The following NFYA variants were observed in gnomAD, a reference collection of about 807,000 sequenced individuals.
NFYA encodes the protein nuclear transcription factor Y subunit alpha.
In NFYA, 28 loss-of-function variants were observed where a neutral mutation model predicts 52.8. The ratio of observed to expected loss-of-function variants is 0.53; its 90% CI spans 0.39 to 0.73. The LOEUF is 0.73. Among genes scored for constraint, NFYA ranks in the 30% least tolerant of loss-of-function variants. NFYA has a pLI of 0.00. For missense variants in NFYA, 234 were observed against 427.0 expected (o/e 0.55, Z 3.98); for synonymous variants, 150 against 150.7 (o/e 1.00, Z 0.03).
chr6:41,084,019 C>A, intron 3 of NFYA, 27 bp from the exon 4 acceptor site: 2 of 1,569,948 alleles, frequency 1.3e-6, no homozygotes, highest in Non-Finnish European at 1.7e-6. Flanking sequence ...TATGTTATTT[C>A]ATTGTTCTTA....
At chr6:41,084,011 T>A in intron 3 of NFYA, 35 bp from the exon 4 acceptor site, 5 of 1,559,876 alleles carry the variant, frequency 3.2e-6, no homozygotes, top group Non-Finnish European at 4.3e-6. Context: ...TTGTGTCTTA[T>A]GTTATTTCAT....
Position 41,090,236 on chromosome 6 carries a change from A to G in NFYA, c.474A>G (p.Gln158=), listed in dbSNP as rs1052201553. 6.2e-7 allele frequency: 1 copy of G among 1,613,940 alleles called. No individual in the cohort carries two copies. The highest frequency in any genetic ancestry group is 1.3e-5 in the African/African-American group (1 of 75,032). ...TQQQIAVQGQ[Q]VAQTAEGQTI... is the part of the protein sequence containing the mutation. ...AGCAGATTGCTGTCCAGGGACAGCAAGTGGCACAGACTGCTGAAGGGCAGA... is the reference window on the plus strand; with the variant it reads ...AGCAGATTGCTGTCCAGGGACAGCAGGTGGCACAGACTGCTGAAGGGCAGA... Residue 158 remains glutamine, a synonymous_variant, in exon 6 of 10, where the codon CAA becomes CAG. Transcript: ENST00000341376.
In NFYA at chr6:41,101,112, A is replaced by G. The variant is rs2113833395; in HGVS notation, c.*3702A>G. 1 of 152,314 alleles carries G rather than the reference A, an allele frequency of 6.6e-6. No homozygotes were observed. The highest frequency in any genetic ancestry group is 2.4e-5 in the African/African-American group (1 of 41,566). 9.4% of individuals were successfully genotyped at this position (152,314 alleles called of 1,614,324 possible). On this transcript the variant is annotated 3_prime_UTR_variant, in exon 10 of 10. Coordinates refer to ENST00000341376, the MANE Select transcript of NFYA (RefSeq NM_002505.5). ...GCTTCCCGACCTACTGGTCTTTCGG[A>G]AGCCTCGGGGATGGGAACCCGAGCT...
chr6:41,094,875 ATTCT>A (rs1383629923), intron 9 of NFYA, among the ~76,000 whole-genome samples: 1 of 152,206 alleles, frequency 6.6e-6, no homozygotes, highest in Admixed American at 6.5e-5. Flanking sequence ...ATTACTATTC[ATTCT>A]TTCTTGAAAA....
chr6:41,080,711 AGGCTTCC>A (rs1478224347), intron 2 of NFYA, 93 bp from the exon 3 acceptor site: 7 of 936,702 alleles, frequency 7.5e-6, no homozygotes, highest in Non-Finnish European at 1.2e-5. Context: ...AAAGTCCTTC[AGGCTTCC>A]GTCTCTCTCC....
chr6:41,091,758 C>T (rs554601331), intron 7 of NFYA, 64 bp downstream of exon 7: 1 of 1,568,476 alleles, frequency 6.4e-7, no homozygotes, highest in South Asian at 1.2e-5. Flanking sequence ...TTGATGCCTC[C>T]TAAAATTTAT....
At chr6:41,083,269 T>G (rs534465120) in intron 3 of NFYA, among the ~76,000 whole-genome samples, 2 of 152,340 alleles carry the variant, frequency 1.3e-5, no homozygotes, top group East Asian at 3.9e-4. Context: ...TCATAGGAGC[T>G]TGAAATTTGT....
In NFYA at chr6:41,099,629, G is replaced by A. The variant is rs1175570773; in HGVS notation, c.*2219G>A. ...CTAGTTCTTTTATTCATTTTTATTT[G>A]TGACTGTAGTGATAACTTTACAGAT... On this transcript the variant is annotated 3_prime_UTR_variant, in exon 10 of 10. Coordinates refer to ENST00000341376, the MANE Select transcript of NFYA (RefSeq NM_002505.5). 6.6e-6 allele frequency: 1 copy of A among 151,476 alleles called. No individual in the cohort carries two copies. Among genetic ancestry groups the A allele is most frequent in the Non-Finnish European group, 1.5e-5 (1 of 67,936 alleles). 9.4% of individuals were successfully genotyped at this position (151,476 alleles called of 1,614,324 possible). A position where few individuals can be genotyped will look rare whatever the true frequency, so the allele number is the denominator to read the frequency against.
At chr6:41,080,950 A>T in intron 3 of NFYA, 53 bp downstream of exon 3, 1 of 1,395,454 alleles carries the variant, frequency 7.2e-7, no homozygotes, top group East Asian at 2.3e-5. Context: ...TCCTCTCCTC[A>T]TGTCTGGTGC....
chr6:41,087,165 C>T (rs1470874596), intron 4 of NFYA, among the ~76,000 whole-genome samples: 1 of 152,162 alleles, frequency 6.6e-6, no homozygotes, highest in East Asian at 1.9e-4. Context: ...CCAATATAAA[C>T]TTAGAAATGA....
intron 5 of NFYA, 71 bp downstream of exon 5, chr6:41,089,781 TCATGTATAG>T: frequency 1.3e-6 from 2 of 1,566,582 alleles, no homozygotes; most frequent in Admixed American, 3.7e-5. Context: ...GTCAGATATT[TCATGTATAG>T]CATGTATAGT....
At chr6:41,073,550 C>T (rs1471295233) in intron 1 of NFYA, among the ~76,000 whole-genome samples, 1 of 152,122 alleles carries the variant, frequency 6.6e-6, no homozygotes, top group Non-Finnish European at 1.5e-5. Flanking sequence ...AGGAAGCCTC[C>T]CCGGGGCCCG....
In NFYA at chr6:41,080,881, T is replaced by C; in HGVS notation, c.146T>C (p.Val49Ala). The change falls in exon 3 of 10, where the codon GTC (valine) becomes GCC (alanine). Residue 49 changes from valine to alanine, a missense_variant. Physicochemically the swap from Val to Ala is moderately conservative, Grantham distance 64 (BLOSUM62 0). This residue lies in a region of NFYA where 118 missense variants were observed against 182.4 expected (regional missense o/e 0.65). Coordinates refer to ENST00000341376, the MANE Select transcript of NFYA (RefSeq NM_002505.5). ...AQVASASGQQ[V>A]QTLQVVQGQP... ...GTGGCATCCGCCTCAGGCCAGCAAG[T>C]CCAGACCCTCCAGGTAGTGGTACCC... The C allele has an allele frequency of 6.2e-7, 1 of 1,613,942 alleles. No individual in the cohort carries two copies. Among genetic ancestry groups the C allele is most frequent in the Non-Finnish European group, 8.5e-7 (1 of 1,179,796 alleles).
In NFYA at chr6:41,098,684, GGC is replaced by G; in HGVS notation, c.*1275_*1276del. On this transcript the variant is annotated 3_prime_UTR_variant, in exon 10 of 10. Coordinates refer to ENST00000341376, the MANE Select transcript of NFYA (RefSeq NM_002505.5). ...AAGCGAGCATTTTCATTCTTCCCAT[GGC>G]AGCTGATTCTTTGGTGCCAGTTTTC... 1 of 152,728 alleles carries G rather than the reference GGC, an allele frequency of 6.5e-6. No homozygotes were observed. Among genetic ancestry groups the G allele is most frequent in the Non-Finnish European group, 1.5e-5 (1 of 68,058 alleles). The allele number at this position is 152,728 out of a possible 1,614,324, so 9.5% of individuals were successfully genotyped here.
chr6:41,083,894 G>A (rs1763974580), intron 3 of NFYA, 152 bp from the exon 4 acceptor site: 1 of 669,216 alleles, frequency 1.5e-6, no homozygotes, highest in Admixed American at 3.7e-5. Flanking sequence ...GATATTTAAA[G>A]ATAACTTGAG....
At chr6:41,092,733 G>GT (rs1764228899) in intron 7 of NFYA, among the ~76,000 whole-genome samples, 179 bp from the exon 8 acceptor site, 1 of 152,134 alleles carries the variant, frequency 6.6e-6, no homozygotes, top group Non-Finnish European at 1.5e-5. Flanking sequence ...CATCTGGGGT[G>GT]TTTGTTTAAA....
At chr6:41,074,051 T>C (rs985014544) in intron 1 of NFYA, among the ~76,000 whole-genome samples, 1 of 152,212 alleles carries the variant, frequency 6.6e-6, no homozygotes, top group Non-Finnish European at 1.5e-5. Flanking sequence ...ACTAATCTTA[T>C]CCACTGCTCA....
chr6:41,096,289 C>G (rs1398209465), intron 9 of NFYA, among the ~76,000 whole-genome samples: 1 of 152,216 alleles, frequency 6.6e-6, no homozygotes, highest in Non-Finnish European at 1.5e-5. Flanking sequence ...TAATCCTCAC[C>G]TGTAGTGTGA....
At chr6:41,078,411 C>T (rs1181047087) in intron 1 of NFYA, among the ~76,000 whole-genome samples, 1 of 152,176 alleles carries the variant, frequency 6.6e-6, no homozygotes, top group Non-Finnish European at 1.5e-5. Flanking sequence ...GAGAGAAAGA[C>T]CTATCTACAT....
Sources: allele counts gnomAD v4.1 joint callset (sites outside exome capture counted in the v4.1 genomes callset), GRCh38; gene constraint gnomAD v4.1.1; regional missense constraint gnomAD v4.1.1; transcripts MANE v1.5; gene names NCBI Gene and HGNC (gene_info 2026-07-23, HGNC 2026-07-21).